The following NUP93 variants were observed in gnomAD, a reference collection of about 807,000 sequenced individuals.
NUP93 encodes nuclear pore complex protein Nup93.
A neutral mutation model predicts 107.8 loss-of-function variants in NUP93; 55 were observed. The ratio of observed to expected loss-of-function variants is 0.51; its 90% CI spans 0.41 to 0.64. The LOEUF (loss-of-function observed/expected upper bound fraction) is 0.64, where lower values mean the gene tolerates loss of function less well. Ranked by LOEUF, NUP93 falls within the 30% of genes least tolerant of loss-of-function variation. The pLI is 0.00. For synonymous variants in NUP93, 390 were observed against 397.5 expected (o/e 0.98, Z 0.22); for missense variants, 937 against 1,044.7 (o/e 0.90, Z 1.42).
chr16:56,840,996 CAA>C (rs11428485), intron 20 of NUP93, among the ~76,000 whole-genome samples: 13 of 98,136 alleles, frequency 1.3e-4, no homozygotes, highest in East Asian at 2.8e-4. Context: ...GACTTTGTCT[CAA>C]AAAAAAAAAA....
At chr16:56,825,886 A>G (rs553517072) in intron 8 of NUP93, among the ~76,000 whole-genome samples, 58 of 152,266 alleles carry the variant, frequency 3.8e-4, no homozygotes, top group African/African-American at 1.4e-3. Flanking sequence ...GTTTTAAAAT[A>G]TTTTTCTCTG....
chr16:56,831,257 G>A (rs1180913820), intron 10 of NUP93, among the ~76,000 whole-genome samples: 1 of 152,158 alleles, frequency 6.6e-6, no homozygotes, highest in South Asian at 2.1e-4. Flanking sequence ...TTATATATAT[G>A]TACATGTATG....
At chr16:56,749,116 G>A (rs1221204209) in intron 2 of NUP93, among the ~76,000 whole-genome samples, 3 of 152,204 alleles carry the variant, frequency 2.0e-5, no homozygotes, top group African/African-American at 7.2e-5. Flanking sequence ...GCTGTGCCAG[G>A]TCTGGACCAT....
Position 56,839,117 on chromosome 16 carries a change from G to A in NUP93, c.2136+48G>A, listed in dbSNP as rs771466340. The A allele has an allele frequency of 3.8e-5, 50 of 1,300,362 alleles. No individual in the cohort carries two copies. The Middle Eastern group carries it at 5.6e-4, about 15-fold the overall frequency. 80.6% of individuals were successfully genotyped at this position (1,300,362 alleles called of 1,614,324 possible). On this transcript the variant is annotated intron_variant, in intron 19 of 21. Transcript: ENST00000308159. ...GAAGTGCAGGTTAATGTACACCCTC[G>A]AAAATTCAAAACACTTCATGGAATT...
rs541856937 is a variant in NUP93 at position 56,838,933 on chromosome 16, C to T, written c.2019-19C>T. On this transcript the variant is annotated intron_variant, in intron 18 of 21. Transcript: ENST00000308159. ...TCCTGATACACTCTTACTACCCCCA[C>T]CCCGTTTTTGTCTTTCAGGTATAGG... 1.8e-5 allele frequency: 28 copies of T among 1,548,610 alleles called. No homozygotes were observed. In the South Asian group the frequency reaches 3.1e-4, roughly 17 times the overall value.
In NUP93 at chr16:56,844,492, C is replaced by T. The variant is rs748052904; in HGVS notation, c.2350-7C>T. ...GATTTCCTTCCCTTCCTTCCCTTCT[C>T]TCTCAGCAACTCCGAAGTCAAGCCC... On this transcript the variant is annotated splice_region_variant and splice_polypyrimidine_tract_variant and intron_variant, in intron 21 of 21. Coordinates refer to ENST00000308159, the MANE Select transcript of NUP93 (RefSeq NM_014669.5). The T allele has an allele frequency of 4.2e-6, 6 of 1,438,494 alleles. No homozygotes were observed. In the South Asian group the frequency reaches 7.7e-5, roughly 18 times the overall value. The allele number at this position is 1,438,494 out of a possible 1,614,324, so 89.1% of individuals were successfully genotyped here.
intron 13 of NUP93, 92 bp from the exon 14 acceptor site, chr16:56,834,036 G>A: frequency 6.4e-7 from 1 of 1,563,406 alleles, no homozygotes; most frequent in Non-Finnish European, 8.7e-7. Flanking sequence ...AGTAGATGCT[G>A]CTGGGTCTGT....
intron 5 of NUP93, among the ~76,000 whole-genome samples, chr16:56,815,563 G>A (rs537969104): frequency 7.5e-4 from 114 of 152,312 alleles, no homozygotes; most frequent in African/African-American, 2.3e-3. Flanking sequence ...GTTGTGGAGC[G>A]TAGGATTTGC....
intron 4 of NUP93, among the ~76,000 whole-genome samples, chr16:56,805,121 G>A (rs569764945): frequency 2.0e-5 from 3 of 152,078 alleles, no homozygotes; most frequent in South Asian, 2.1e-4. Flanking sequence ...GCAATGTTGC[G>A]ATCACAGCTC....
Position 56,847,915 on chromosome 16 carries a change from A to G in NUP93, c.*3306A>G, listed in dbSNP as rs1187017390. ...TTAAATCCTAGAACAGGCAGCTTTA[A>G]AGCAAAGAACTACAGACTTTTCCGC... is the stretch of plus-strand genomic sequence containing the variant. On this transcript the variant is annotated 3_prime_UTR_variant, in exon 22 of 22. Coordinates refer to ENST00000308159, the MANE Select transcript of NUP93 (RefSeq NM_014669.5). The G allele has an allele frequency of 2.0e-5, 3 of 152,202 alleles. No homozygotes were observed. The highest frequency in any genetic ancestry group is 7.2e-5 in the African/African-American group (3 of 41,454). 9.4% of individuals were successfully genotyped at this position (152,202 alleles called of 1,614,324 possible). A position where few individuals can be genotyped will look rare whatever the true frequency, so the allele number is the denominator to read the frequency against.
At chr16:56,840,187 AT>A (rs1209057619) in intron 20 of NUP93, among the ~76,000 whole-genome samples, 1 of 151,966 alleles carries the variant, frequency 6.6e-6, no homozygotes, top group Non-Finnish European at 1.5e-5. Flanking sequence ...CGCCCAGCTA[AT>A]TTTTTGTATA....
intron 8 of NUP93, among the ~76,000 whole-genome samples, chr16:56,825,484 C>T (rs763456870): frequency 6.6e-6 from 1 of 151,916 alleles, no homozygotes; most frequent in Non-Finnish European, 1.5e-5. Context: ...GGATTACAGG[C>T]GTAAGCCACC....
chr16:56,784,080 CAT>C (rs1192500879), intron 3 of NUP93, among the ~76,000 whole-genome samples: 5 of 151,974 alleles, frequency 3.3e-5, no homozygotes, highest in East Asian at 3.9e-4. Context: ...GATTTTAGCA[CAT>C]GATTTTAATT....
intron 5 of NUP93, among the ~76,000 whole-genome samples, chr16:56,806,651 G>C (rs1480931948): frequency 1.3e-5 from 2 of 152,036 alleles, no homozygotes; most frequent in Non-Finnish European, 2.9e-5. Context: ...TTTTCAAATG[G>C]GCCTCTATAT....
intron 1 of NUP93, among the ~76,000 whole-genome samples, chr16:56,745,063 C>T (rs115634641): frequency 0.012 from 1,824 of 152,274 alleles, 38 homozygotes; most frequent in African/African-American, 0.041. Flanking sequence ...CTTATATTCT[C>T]GCAGAGGTGA....
At chr16:56,842,384 C>T (rs1964042743) in intron 21 of NUP93, among the ~76,000 whole-genome samples, 1 of 152,122 alleles carries the variant, frequency 6.6e-6, no homozygotes. Context: ...GTCTCTCTGA[C>T]ACCTGTGCCC....
chr16:56,832,335 C>A lies in NUP93; in HGVS notation c.1292C>A (p.Pro431Gln). The change falls in exon 12 of 22, where the codon CCA becomes CAA. Residue 431 changes from proline (P) to glutamine (Q), a missense_variant. By Grantham distance (76) the Pro-to-Gln change is moderately conservative. Transcript: ENST00000308159. ...TTTGACGACGATGGCACCAGCTCCC[C>A]ACAAGACAGGCTCACTCTCTCACAG... is the stretch of plus-strand genomic sequence containing the variant. Reference protein sequence around the residue: ...VCFDDDGTSSPQDRLTLSQFQ... With the variant: ...VCFDDDGTSSQQDRLTLSQFQ... 6.2e-7 allele frequency: 1 copy of A among 1,614,170 alleles called. No individual in the cohort carries two copies.
intron 3 of NUP93, among the ~76,000 whole-genome samples, chr16:56,794,409 A>ATATTT (rs10688599): frequency 0.88 from 133,367 of 151,802 alleles, 58,902 homozygotes; most frequent in East Asian, 0.99. Context: ...TTTATAGTAA[A>ATATTT]TAAAGACCAG....
intron 13 of NUP93, 107 bp from the exon 14 acceptor site, chr16:56,834,021 G>T: frequency 6.7e-7 from 1 of 1,493,842 alleles, no homozygotes; most frequent in East Asian, 2.3e-5. Flanking sequence ...TGACTGGGCT[G>T]CAGGAGTAGA....
Sources: allele counts gnomAD v4.1 joint callset (sites outside exome capture counted in the v4.1 genomes callset), GRCh38; gene constraint gnomAD v4.1.1; transcripts MANE v1.5; gene names NCBI Gene and HGNC (gene_info 2026-07-23, HGNC 2026-07-21).